Variants in ZNF536 observed in about 807,000 individuals in gnomAD.
ZNF536 encodes the protein zinc finger protein 536.
A neutral mutation model predicts 84.5 loss-of-function variants in ZNF536; 13 were observed. The ratio of observed to expected loss-of-function variants is 0.15; its 90% confidence interval spans 0.10 to 0.24. The LOEUF is 0.24. Ranked by LOEUF, ZNF536 falls within the 10% of genes least tolerant of loss-of-function variation. ZNF536 has a pLI of 1.00. For missense variants in ZNF536, 1,536 were observed against 1,747.5 expected (o/e 0.88, Z 2.16); for synonymous variants, 811 against 742.5 (o/e 1.09, Z -1.50).
chr19:30,670,158 A>G (rs2050489281), intron 1 of ZNF536, among the ~76,000 whole-genome samples: 1 of 152,176 alleles, frequency 6.6e-6, no homozygotes, highest in Admixed American at 6.5e-5. Flanking sequence ...TGGGAGGCTT[A>G]GTGCAATGGG....
intron 2 of ZNF536, among the ~76,000 whole-genome samples, chr19:30,510,675 A>G (rs2055373281): frequency 6.6e-6 from 1 of 152,220 alleles, no homozygotes; most frequent in Non-Finnish European, 1.5e-5. Flanking sequence ...GCAAGGAAGC[A>G]GACATCAGAG....
intron 2 of ZNF536, among the ~76,000 whole-genome samples, chr19:30,456,521 C>T (rs2052853281): frequency 6.6e-6 from 1 of 152,060 alleles, no homozygotes; most frequent in South Asian, 2.1e-4. Context: ...TTGTTTTACG[C>T]TGGTGTTTGC....
intron 1 of ZNF536, among the ~76,000 whole-genome samples, chr19:30,629,186 T>C (rs1185933314): frequency 6.6e-6 from 1 of 151,980 alleles, no homozygotes; most frequent in African/African-American, 2.4e-5. Context: ...TGCTAGACAA[T>C]TGCCTTTTAT....
chr19:30,271,247 A>G (rs915486302), intron 1 of ZNF536, among the ~76,000 whole-genome samples: 1 of 146,864 alleles, frequency 6.8e-6, no homozygotes, highest in Non-Finnish European at 1.5e-5. Context: ...TGTACTGAGC[A>G]CTGCTTGCAG....
chr19:30,261,750 T>A (rs889350404), intron 1 of ZNF536, among the ~76,000 whole-genome samples: 1 of 148,606 alleles, frequency 6.7e-6, no homozygotes, highest in African/African-American at 2.5e-5. Context: ...TAAAGTTAAT[T>A]AAAAAAAAGT....
rs1021009544 is a variant in ZNF536 at position 30,451,003 on chromosome 19, C to G, written c.2170+5271C>G. On this transcript the variant is annotated intron_variant, in intron 2 of 4. Transcript: ENST00000355537. The stretch of plus-strand genomic sequence containing the variant: ...CGTGGAAGCGTGTGCAGGCGGCCGC[C>G]GTGTTTGCGGAGATTTACGGAGGAT... Among the ~76,000 whole-genome samples the G allele has an allele frequency of 2.0e-5, 3 of 152,386 alleles. No individual in the cohort carries two copies. The East Asian group carries it at 5.8e-4, about 29-fold the overall frequency.
At chr19:30,588,325 T>A (rs1279007184) in intron 1 of ZNF536, among the ~76,000 whole-genome samples, 1 of 152,228 alleles carries the variant, frequency 6.6e-6, no homozygotes, top group South Asian at 2.1e-4. Context: ...TATGTGGTCA[T>A]GACTGCATTA....
At chr19:30,258,832 C>T (rs1304355558) in intron 1 of ZNF536, among the ~76,000 whole-genome samples, 2 of 151,912 alleles carry the variant, frequency 1.3e-5, no homozygotes, top group Non-Finnish European at 2.9e-5. Context: ...ATTCTCCTGC[C>T]TCAGCCTCCC....
rs1460061348 is a variant in ZNF536, at chr19:30,344,304, T to TATATATATATATATAAACTGGGCGTGG, written c.-119-8064_-119-8063insATATATATATATATAAACTGGGCGTGG. Among the ~76,000 whole-genome samples, 9 of 66,252 alleles carry TATATATATATATATAAACTGGGCGTGG rather than the reference T, an allele frequency of 1.4e-4. 2 individuals are homozygous for TATATATATATATATAAACTGGGCGTGG. Among genetic ancestry groups the TATATATATATATATAAACTGGGCGTGG allele is most frequent in the African/African-American group, 3.6e-4 (5 of 13,826 alleles). 43.5% of individuals were successfully genotyped at this position (66,252 alleles called of 152,430 possible). Reference sequence around the variant, plus strand: ...AAATACACACACACACACAAATATATTGGCGGCCTCCTATAATCCCAGCTA... The same window carrying TATATATATATATATAAACTGGGCGTGG: ...AAATACACACACACACACAAATATATATATATATATATATAAACTGGGCGTGGTGGCGGCCTCCTATAATCCCAGCTA... On this transcript the variant is annotated intron_variant, in intron 2 of 5. Coordinates refer to the ZNF536 transcript ENST00000585628.
intron 1 of ZNF536, among the ~76,000 whole-genome samples, chr19:30,235,729 T>A (rs747577883): frequency 3.9e-5 from 6 of 152,238 alleles, no homozygotes; most frequent in Non-Finnish European, 8.8e-5. Flanking sequence ...AATCAGGCAA[T>A]GTCTTCCAAA....
At chr19:30,547,913 T>C (rs1430971117) in intron 3 of ZNF536, 30 bp from the exon 4 acceptor site, 1 of 1,512,166 alleles carries the variant, frequency 6.6e-7, no homozygotes, top group African/African-American at 1.4e-5. Context: ...GATAAACGCC[T>C]CTTTTTTTTC....
intron 2 of ZNF536, among the ~76,000 whole-genome samples, chr19:30,532,252 C>T (rs1420996854): frequency 6.6e-6 from 1 of 152,142 alleles, no homozygotes; most frequent in South Asian, 2.1e-4. Context: ...GCTTCAGCCT[C>T]CCGAGTAGCT....
chr19:30,572,219 C>G (rs769697153), intron 1 of ZNF536, among the ~76,000 whole-genome samples: 10 of 152,210 alleles, frequency 6.6e-5, no homozygotes, highest in Admixed American at 2.0e-4. Flanking sequence ...AAGGAACTCT[C>G]CCTACTGCTT....
chr19:30,583,446 G>A (rs2046992522), intron 1 of ZNF536, among the ~76,000 whole-genome samples: 1 of 152,194 alleles, frequency 6.6e-6, no homozygotes. Flanking sequence ...GTGACTAGCA[G>A]GCACTACACT....
At chr19:30,490,572 A>G (rs2034004460) in intron 2 of ZNF536, among the ~76,000 whole-genome samples, 1 of 152,070 alleles carries the variant, frequency 6.6e-6, no homozygotes, top group African/African-American at 2.4e-5. Context: ...CACCACTTAG[A>G]TAAAGAAACT....
intron 1 of ZNF536, among the ~76,000 whole-genome samples, chr19:30,577,154 C>T (rs930563277): frequency 3.3e-5 from 5 of 152,100 alleles, no homozygotes; most frequent in South Asian, 2.1e-4. Flanking sequence ...TTTAATACCC[C>T]GGCTCTTTAA....
At chr19:30,260,759 T>A (rs927561089) in intron 1 of ZNF536, among the ~76,000 whole-genome samples, 1 of 152,262 alleles carries the variant, frequency 6.6e-6, no homozygotes, top group East Asian at 1.9e-4. Context: ...CTGCAAAGGC[T>A]TCAGCCCCCG....
chr19:30,466,584 A>AAGAAAG (rs1555775076), intron 2 of ZNF536, among the ~76,000 whole-genome samples: 3 of 144,464 alleles, frequency 2.1e-5, no homozygotes, highest in East Asian at 2.1e-4. Context: ...GAAAGAAAGA[A>AAGAAAG]AGAGAGAGAG....
chr19:30,260,524 C>T (rs553395873), intron 1 of ZNF536, among the ~76,000 whole-genome samples: 8 of 152,324 alleles, frequency 5.3e-5, no homozygotes, highest in Admixed American at 2.6e-4. Flanking sequence ...GGCCAACCTC[C>T]GTTGCATGTC....
Sources: gnomAD v4.1 joint callset for allele counts (sites outside exome capture counted in the v4.1 genomes callset) on GRCh38, gnomAD v4.1.1 for gene constraint, MANE v1.5 for transcripts, NCBI Gene and HGNC (gene_info 2026-07-23, HGNC 2026-07-21) for gene names.